Variants in CCNY observed in about 807,000 individuals in gnomAD.
CCNY encodes the protein cyclin Y, also known as cyclin-Y.
A neutral mutation model predicts 42.8 loss-of-function variants in CCNY; 19 were observed. The ratio of observed to expected loss-of-function variants is 0.44; its 90% CI spans 0.31 to 0.65. The LOEUF is 0.65. Among genes scored for constraint, CCNY ranks in the 30% least tolerant of loss-of-function variants. CCNY has a pLI of 0.07. For synonymous variants in CCNY, 165 were observed against 162.7 expected (o/e 1.01, Z -0.11); for missense variants, 370 against 437.3 (o/e 0.85, Z 1.37).
rs529006775 is a variant in CCNY, at chr10:35,523,111, C to T, written c.366-2853C>T. On this transcript the variant is annotated intron_variant, in intron 4 of 9. Transcript: ENST00000374704. Reference sequence around the variant, plus strand: ...CAATTCCCAGAGGATAGGTTGTCAACCAACAGAAAGTCCAGGAACCAGGGG... The same window carrying T: ...CAATTCCCAGAGGATAGGTTGTCAATCAACAGAAAGTCCAGGAACCAGGGG... Among the ~76,000 whole-genome samples the T allele has an allele frequency of 2.6e-5, 4 of 152,294 alleles. No individual in the cohort carries two copies. In the East Asian group the frequency reaches 7.7e-4, roughly 29 times the overall value.
chr10:35,466,456 T>C (rs555781144), intron 1 of CCNY, among the ~76,000 whole-genome samples: 25 of 152,194 alleles, frequency 1.6e-4, no homozygotes, highest in Middle Eastern at 3.4e-3. Context: ...GCCAGCTCTG[T>C]AGGGGTGATG....
intron 7 of CCNY, among the ~76,000 whole-genome samples, chr10:35,551,287 C>T (rs1316652100): frequency 6.6e-6 from 1 of 152,202 alleles, no homozygotes; most frequent in East Asian, 1.9e-4. Context: ...TGAATTCTTC[C>T]TTTTCTTAAA....
chr10:35,480,127 C>A (rs935147815), intron 1 of CCNY, among the ~76,000 whole-genome samples: 1 of 152,144 alleles, frequency 6.6e-6, no homozygotes, highest in Non-Finnish European at 1.5e-5. Flanking sequence ...GTCTTGAAGT[C>A]TCTGAACTCT....
chr10:35,466,758 T>C (rs1398922866), intron 1 of CCNY, among the ~76,000 whole-genome samples: 1 of 152,058 alleles, frequency 6.6e-6, no homozygotes, highest in East Asian at 1.9e-4. Flanking sequence ...GCAACTAAAT[T>C]TTAAGGTTTG....
At chr10:35,344,281 A>G (rs951996979) in intron 1 of CCNY, among the ~76,000 whole-genome samples, 6 of 152,238 alleles carry the variant, frequency 3.9e-5, no homozygotes, top group African/African-American at 1.4e-4. Context: ...GGGCAAAGAG[A>G]GGAAGCCTTG....
At chr10:35,305,616 C>T (rs1052530565) in intron 3 of CCNY, among the ~76,000 whole-genome samples, 1 of 152,188 alleles carries the variant, frequency 6.6e-6, no homozygotes, top group Non-Finnish European at 1.5e-5. Flanking sequence ...TCGTTCATTG[C>T]CATGGCTTCA....
chr10:35,268,980 G>A (rs2095728361), intron 3 of CCNY, among the ~76,000 whole-genome samples: 1 of 152,214 alleles, frequency 6.6e-6, no homozygotes, highest in African/African-American at 2.4e-5. Context: ...TGCCTCTAAG[G>A]TGATTCTCCC....
At chr10:35,260,667 G>C (rs1013322659) in intron 3 of CCNY, among the ~76,000 whole-genome samples, 1 of 152,166 alleles carries the variant, frequency 6.6e-6, no homozygotes, top group Non-Finnish European at 1.5e-5. Flanking sequence ...AGTTAACATT[G>C]CCAGGCAGGG....
chr10:35,463,021 A>C (rs1839189255), intron 1 of CCNY, among the ~76,000 whole-genome samples: 1 of 152,218 alleles, frequency 6.6e-6, no homozygotes, highest in South Asian at 2.1e-4. Flanking sequence ...TGTACACTGA[A>C]AGTGAAGGTG....
chr10:35,256,199 A>ATCAC (rs2095715334), intron 3 of CCNY, among the ~76,000 whole-genome samples: 1 of 152,156 alleles, frequency 6.6e-6, no homozygotes, highest in Non-Finnish European at 1.5e-5. Flanking sequence ...ATTTAAAGAG[A>ATCAC]TCACTGATAA....
rs555446339 is a variant in CCNY, at chr10:35,468,906, G to A, written c.155-14498G>A. Among the ~76,000 whole-genome samples, 227 of 152,236 alleles carry A rather than the reference G, an allele frequency of 1.5e-3. 2 individuals carry two copies. The highest frequency in any genetic ancestry group is 5.1e-3 in the African/African-American group (212 of 41,546). ...GCCAGCCCAGCCTCCTTTTCATTTG[G>A]GTTCATAGATACTTTTTCTTAATTC... On this transcript the variant is annotated intron_variant, in intron 1 of 9. Coordinates refer to ENST00000374704, the MANE Select transcript of CCNY (RefSeq NM_145012.6).
chr10:35,346,045 T>G (rs1235564206), intron 1 of CCNY, among the ~76,000 whole-genome samples: 3 of 152,216 alleles, frequency 2.0e-5, no homozygotes, highest in Non-Finnish European at 4.4e-5. Flanking sequence ...AGCCAGGGCT[T>G]GCTTGCTTGC....
chr10:35,250,672 C>A (rs2095711413), intron 3 of CCNY: 2 of 152,390 alleles, frequency 1.3e-5, no homozygotes, highest in Non-Finnish European at 2.9e-5. Context: ...AATAGAGCCT[C>A]TTCCTGACAT....
chr10:35,468,864 G>C (rs1176317705), intron 1 of CCNY, among the ~76,000 whole-genome samples: 2 of 152,118 alleles, frequency 1.3e-5, no homozygotes, highest in African/African-American at 4.8e-5. Flanking sequence ...CTGGGAGATT[G>C]GGCAGTTGCT....
chr10:35,538,565 A>G (rs966702406), intron 7 of CCNY, among the ~76,000 whole-genome samples: 1 of 152,054 alleles, frequency 6.6e-6, no homozygotes, highest in African/African-American at 2.4e-5. Flanking sequence ...CTGAGGATTA[A>G]TGACGGTTGA....
chr10:35,302,345 C>T (rs1365649966), intron 3 of CCNY, among the ~76,000 whole-genome samples: 20 of 139,394 alleles, frequency 1.4e-4, no homozygotes, highest in Non-Finnish European at 2.0e-4. Context: ...GAGTCTTGCT[C>T]TGTCACCCAG....
intron 2 of CCNY, among the ~76,000 whole-genome samples, chr10:35,498,592 G>C (rs1361641980): frequency 6.6e-6 from 1 of 152,174 alleles, no homozygotes; most frequent in East Asian, 1.9e-4. Context: ...AGAGGGTAAA[G>C]TTACCCCCCA....
At chr10:35,559,916 A>G (rs1343319079) in intron 8 of CCNY, among the ~76,000 whole-genome samples, 1 of 152,126 alleles carries the variant, frequency 6.6e-6, no homozygotes, top group Non-Finnish European at 1.5e-5. Context: ...GAGAGGACTT[A>G]AGTCTTCAAT....
chr10:35,319,730 C>T (rs969687940), intron 3 of CCNY, among the ~76,000 whole-genome samples: 21 of 151,980 alleles, frequency 1.4e-4, no homozygotes, highest in Non-Finnish European at 2.6e-4. Flanking sequence ...AAAAAATTAT[C>T]CTCATCTCAG....
Sources: gnomAD v4.1 joint callset for allele counts (sites outside exome capture counted in the v4.1 genomes callset) on GRCh38, gnomAD v4.1.1 for gene constraint, MANE v1.5 for transcripts, NCBI Gene and HGNC (gene_info 2026-07-23, HGNC 2026-07-21) for gene names.